TAOK1: variants seen among roughly 807,000 people sequenced by gnomAD.
TAOK1 encodes the protein TAO kinase 1.
Under a neutral mutation model 138.3 loss-of-function variants are expected in TAOK1, and 21 were observed. The ratio of observed to expected loss-of-function variants is 0.15; its 90% confidence interval spans 0.11 to 0.22. The LOEUF (loss-of-function observed/expected upper bound fraction) is 0.22. Ranked by LOEUF, TAOK1 falls within the 10% of genes least tolerant of loss-of-function variation. The pLI is 1.00. For missense variants in TAOK1, 651 were observed against 1,227.7 expected (o/e 0.53, Z 7.02); for synonymous variants, 361 against 398.4 (o/e 0.91, Z 1.12).
At chr17:29,472,292 G>A (rs1598495819) in intron 3 of TAOK1, among the ~76,000 whole-genome samples, 2 of 143,338 alleles carry the variant, frequency 1.4e-5, no homozygotes, top group South Asian at 2.2e-4. Context: ...CATTCTTGTC[G>A]CCCAGGCTGG....
rs1416113862 is a variant in TAOK1 at position 29,423,512 on chromosome 17, C to T, written c.-94-27943C>T. Among the ~76,000 whole-genome samples, 8 of 151,972 alleles carry T rather than the reference C, an allele frequency of 5.3e-5. No homozygotes were observed. In the South Asian group the frequency reaches 1.7e-3, roughly 31 times the overall value. ...GATTACAGGCGTGAGCCACTGCGCC[C>T]AGCCTCTTCTAATATAAGGATTTAA... On this transcript the variant is annotated intron_variant, in intron 1 of 19. Transcript: ENST00000261716.
At chr17:29,499,628 C>T (rs1485229320) in intron 12 of TAOK1, among the ~76,000 whole-genome samples, 9 of 146,900 alleles carry the variant, frequency 6.1e-5, no homozygotes, top group Admixed American at 2.1e-4. Flanking sequence ...GGCGCAATCT[C>T]GGCTCACTGC....
intron 10 of TAOK1, among the ~76,000 whole-genome samples, chr17:29,492,967 C>T (rs1048795601): frequency 6.6e-6 from 1 of 150,794 alleles, no homozygotes; most frequent in African/African-American, 2.4e-5. Flanking sequence ...ATGGTGAAAC[C>T]CTGTCTTTAC....
intron 17 of TAOK1, among the ~76,000 whole-genome samples, chr17:29,523,321 T>C (rs552109311): frequency 6.6e-6 from 1 of 152,228 alleles, no homozygotes; most frequent in Admixed American, 6.5e-5. Context: ...TCTGTGCTTG[T>C]TCCTCCAGCC....
intron 1 of TAOK1, among the ~76,000 whole-genome samples, chr17:29,412,009 TTTCCTTCC>T (rs984471284): frequency 6.6e-6 from 1 of 151,898 alleles, no homozygotes; most frequent in Non-Finnish European, 1.5e-5. Flanking sequence ...TCCTTCCTTC[TTTCCTTCC>T]TTCCTTCCTC....
In TAOK1 at chr17:29,544,136, A is replaced by G. The variant is rs575603133; in HGVS notation, c.*1114A>G. The G allele has an allele frequency of 3.3e-5, 5 of 152,782 alleles. No homozygotes were observed. The highest frequency in any genetic ancestry group is 4.1e-4 in the South Asian group (2 of 4,822). The allele number at this position is 152,782 out of a possible 1,614,324, so 9.5% of individuals were successfully genotyped here. A position where few individuals can be genotyped will look rare whatever the true frequency, so the allele number is the denominator to read the frequency against. On this transcript the variant is annotated 3_prime_UTR_variant, in exon 20 of 20. Coordinates refer to ENST00000261716, the MANE Select transcript of TAOK1 (RefSeq NM_020791.4). ...TCTATTGAAATTCTCGTCACACTAC[A>G]TAGACATAATTGTTATCTCCTTTTG...
At position 29,546,310 on chromosome 17, in the gene TAOK1, C is replaced by T. The variant is rs1170321613; in HGVS notation, c.*3288C>T. The stretch of plus-strand genomic sequence containing the variant: ...TAGTCATGATTTTTGGTTGCCTAGA[C>T]ATCAGGTAAACATTCAGTACACTAA... On this transcript the variant is annotated 3_prime_UTR_variant, in exon 20 of 20. Transcript: ENST00000261716. The T allele has an allele frequency of 4.6e-5, 7 of 152,034 alleles. No homozygotes were observed. Among genetic ancestry groups the T allele is most frequent in the Non-Finnish European group, 7.4e-5 (5 of 67,958 alleles). The allele number at this position is 152,034 out of a possible 1,614,324, so 9.4% of individuals were successfully genotyped here.
intron 1 of TAOK1, among the ~76,000 whole-genome samples, chr17:29,446,737 CTTT>C (rs34871616): frequency 1.0e-4 from 12 of 119,844 alleles, no homozygotes; most frequent in Admixed American, 2.5e-4. Flanking sequence ...TTTTACTGTA[CTTT>C]TTTTTTTTTT....
At chr17:29,521,830 C>T (rs1238770860) in intron 16 of TAOK1, among the ~76,000 whole-genome samples, 2 of 152,212 alleles carry the variant, frequency 1.3e-5, no homozygotes, top group East Asian at 3.8e-4. Context: ...GATCCACCCG[C>T]CTCGGCCTCC....
chr17:29,531,494 G>T (rs1273434493), intron 18 of TAOK1, among the ~76,000 whole-genome samples: 2 of 151,922 alleles, frequency 1.3e-5, no homozygotes, highest in Non-Finnish European at 2.9e-5. Context: ...GCGCGCCAGT[G>T]GCTCACGCCT....
intron 2 of TAOK1, among the ~76,000 whole-genome samples, chr17:29,458,243 GCA>G (rs1430913276): frequency 1.3e-5 from 2 of 152,326 alleles, no homozygotes; most frequent in South Asian, 2.1e-4. Context: ...AACAATTCAT[GCA>G]CAGTTATTTT....
chr17:29,498,558 T>C, intron 12 of TAOK1, 37 bp downstream of exon 12: 1 of 1,600,050 alleles, frequency 6.2e-7, no homozygotes, highest in Non-Finnish European at 8.6e-7. Context: ...AATTCAATGT[T>C]GGTAAACTGT....
At chr17:29,470,794 A>G (rs1358393440) in intron 3 of TAOK1, among the ~76,000 whole-genome samples, 1 of 152,198 alleles carries the variant, frequency 6.6e-6, no homozygotes, top group African/African-American at 2.4e-5. Flanking sequence ...TAATAAAGCA[A>G]GTCACATGAA....
chr17:29,428,272 G>A (rs951380316), intron 1 of TAOK1, among the ~76,000 whole-genome samples: 1 of 152,198 alleles, frequency 6.6e-6, no homozygotes, highest in African/African-American at 2.4e-5. Context: ...CTTTACAGGT[G>A]TACAGAATGG....
intron 1 of TAOK1, among the ~76,000 whole-genome samples, chr17:29,407,574 G>A (rs1198679312): frequency 6.6e-6 from 1 of 151,570 alleles, no homozygotes; most frequent in Non-Finnish European, 1.5e-5. Flanking sequence ...AGCCTCCCTA[G>A]TACCTGGGAC....
At chr17:29,428,166 A>G (rs530056738) in intron 1 of TAOK1, among the ~76,000 whole-genome samples, 10 of 152,280 alleles carry the variant, frequency 6.6e-5, no homozygotes, top group Non-Finnish European at 1.0e-4. Context: ...CTAGAGGGGA[A>G]TACCTAGGCA....
At chr17:29,450,759 T>C (rs2030211014) in intron 1 of TAOK1, among the ~76,000 whole-genome samples, 1 of 152,178 alleles carries the variant, frequency 6.6e-6, no homozygotes, top group African/African-American at 2.4e-5. Flanking sequence ...CAAGCGATCC[T>C]CCTGCCTTGA....
intron 1 of TAOK1, among the ~76,000 whole-genome samples, chr17:29,418,367 AT>A (rs1392837313): frequency 1.3e-5 from 2 of 151,804 alleles, no homozygotes; most frequent in Non-Finnish European, 2.9e-5. Context: ...AACTTTTTTT[AT>A]TTTTTATTTT....
At chr17:29,462,889 A>T (rs987484470) in intron 2 of TAOK1, among the ~76,000 whole-genome samples, 1 of 151,958 alleles carries the variant, frequency 6.6e-6, no homozygotes, top group Non-Finnish European at 1.5e-5. Flanking sequence ...ACTACAACTT[A>T]TTTTGTTTTT....
Sources: gnomAD v4.1 joint callset for allele counts (sites outside exome capture counted in the v4.1 genomes callset) on GRCh38, gnomAD v4.1.1 for gene constraint, MANE v1.5 for transcripts, NCBI Gene and HGNC (gene_info 2026-07-23, HGNC 2026-07-21) for gene names.